RBPMS: variants seen among roughly 807,000 people sequenced by gnomAD.
The protein encoded by RBPMS is RNA-binding protein with multiple splicing.
A neutral mutation model predicts 26.8 loss-of-function variants in RBPMS; 7 were observed. That is an observed-to-expected ratio of 0.26 (90% confidence interval 0.15 to 0.49). The LOEUF (loss-of-function observed/expected upper bound fraction) is 0.49. Ranked by LOEUF, RBPMS falls within the 20% of genes least tolerant of loss-of-function variation. The pLI is 0.98. For missense variants in RBPMS, 186 were observed against 250.0 expected, an observed-to-expected ratio of 0.74 and a Z score of 1.73; for synonymous variants, 96 against 93.3, an observed-to-expected ratio of 1.03 and a Z score of -0.17.
At chr8:30,475,153 T>C (rs1817550137) in intron 2 of RBPMS, among the ~76,000 whole-genome samples, 1 of 152,196 alleles carries the variant, frequency 6.6e-6, no homozygotes, top group Admixed American at 6.5e-5. Flanking sequence ...TTTTATGAAC[T>C]GAGTTAAGAA....
chr8:30,543,703 G>A (rs1825622289), intron 5 of RBPMS, among the ~76,000 whole-genome samples: 2 of 152,152 alleles, frequency 1.3e-5, no homozygotes, highest in Non-Finnish European at 1.5e-5. Context: ...ATACATGGGA[G>A]GCCCAGGCAC....
intron 1 of RBPMS, among the ~76,000 whole-genome samples, chr8:30,446,415 C>T (rs1774192685): frequency 6.6e-6 from 1 of 152,104 alleles, no homozygotes; most frequent in African/African-American, 2.4e-5. Flanking sequence ...AGGCTTACTA[C>T]AGGTAGACTA....
intron 5 of RBPMS, among the ~76,000 whole-genome samples, chr8:30,542,702 A>G (rs1825507001): frequency 6.6e-6 from 1 of 152,222 alleles, no homozygotes; most frequent in South Asian, 2.1e-4. Context: ...GGCATTCCTG[A>G]GAATGGTTGT....
intron 1 of RBPMS, chr8:30,446,946 G>A (rs1813934336): frequency 6.6e-6 from 1 of 151,978 alleles, no homozygotes. Flanking sequence ...TCAACAGGTA[G>A]CTGTCATCTT....
intron 7 of RBPMS, among the ~76,000 whole-genome samples, chr8:30,560,633 G>C (rs552867749): frequency 6.6e-6 from 1 of 152,098 alleles, no homozygotes; most frequent in Non-Finnish European, 1.5e-5. Flanking sequence ...AGGGGCAATC[G>C]CAGGTGAAGT....
At chr8:30,387,088 TG>T (rs1807198796) in intron 1 of RBPMS, 1 of 152,168 alleles carries the variant, frequency 6.6e-6, no homozygotes, top group South Asian at 2.1e-4. Context: ...GCCTCTTACT[TG>T]TCCTGTTATC....
intron 4 of RBPMS, among the ~76,000 whole-genome samples, chr8:30,496,708 T>G (rs926818843): frequency 1.3e-5 from 2 of 152,226 alleles, no homozygotes; most frequent in African/African-American, 4.8e-5. Context: ...GTGTCACAAG[T>G]TTTCACTTGT....
chr8:30,412,395 T>A (rs1330759719), intron 1 of RBPMS, among the ~76,000 whole-genome samples: 1 of 152,078 alleles, frequency 6.6e-6, no homozygotes, highest in African/African-American at 2.4e-5. Context: ...TGGCAGTCCA[T>A]GACTGTTCCC....
chr8:30,476,669 T>C (rs1397623955), intron 2 of RBPMS, among the ~76,000 whole-genome samples: 1 of 152,192 alleles, frequency 6.6e-6, no homozygotes, highest in African/African-American at 2.4e-5. Context: ...TTAAAGTCCC[T>C]GGAGGCTGAC....
chr8:30,385,104 C>T lies in RBPMS; in HGVS notation c.12C>T (p.Gly4=). 4 of 1,524,446 alleles carry T rather than the reference C, an allele frequency of 2.6e-6. No individual in the cohort carries two copies. The highest frequency in any genetic ancestry group is 2.5e-5 in the South Asian group (2 of 80,542). The allele number at this position is 1,524,446 out of a possible 1,614,324, so 94.4% of individuals were successfully genotyped here. The stretch of plus-strand genomic sequence containing the variant: ...GAAGGACCGGGAAGATGAACAACGG[C>T]GGCAAAGCCGAGAAGGAGAACACCC... MNN[G]GKAEKENTPS... is the part of the protein sequence containing the mutation. The change falls in exon 1 of 9, where the codon GGC becomes GGT. Residue 4 remains glycine (G), a synonymous_variant. Transcript: ENST00000397323.
chr8:30,447,417 A>G (rs1026214753), intron 1 of RBPMS, among the ~76,000 whole-genome samples: 3 of 152,216 alleles, frequency 2.0e-5, no homozygotes, highest in African/African-American at 7.2e-5. Flanking sequence ...TAGAATAGTA[A>G]AGTGTGTAAT....
chr8:30,486,915 A>G (rs1316351283), intron 4 of RBPMS, among the ~76,000 whole-genome samples: 3 of 152,214 alleles, frequency 2.0e-5, no homozygotes, highest in Non-Finnish European at 2.9e-5. Flanking sequence ...TTAAACTTAC[A>G]TAATTTTAAA....
At chr8:30,468,907 A>G (rs1258676088) in intron 1 of RBPMS, among the ~76,000 whole-genome samples, 4 of 18,086 alleles carry the variant, frequency 2.2e-4, no homozygotes, top group African/African-American at 2.5e-4. Flanking sequence ...AGTGTTTCAA[A>G]TAAGTAACTA....
chr8:30,479,911 T>C (rs907248444), intron 4 of RBPMS, among the ~76,000 whole-genome samples: 47 of 152,200 alleles, frequency 3.1e-4, no homozygotes, highest in African/African-American at 1.1e-3. Context: ...TAAATTACAG[T>C]CATTTGTAAT....
intron 6 of RBPMS, chr8:30,547,154 C>A (rs1106352): frequency 7.6e-6 from 5 of 656,768 alleles, no homozygotes; most frequent in Non-Finnish European, 1.3e-5. Context: ...GGAGCCTCTA[C>A]GGGGCATCTC....
intron 1 of RBPMS, among the ~76,000 whole-genome samples, chr8:30,469,357 C>A (rs1031168326): frequency 6.6e-6 from 1 of 152,248 alleles, no homozygotes; most frequent in African/African-American, 2.4e-5. Context: ...CTAGTGGGAG[C>A]TGGCAATGCC....
chr8:30,458,135 A>G (rs1815447729), intron 1 of RBPMS, among the ~76,000 whole-genome samples: 1 of 152,206 alleles, frequency 6.6e-6, no homozygotes, highest in Non-Finnish European at 1.5e-5. Flanking sequence ...AATGCTATGT[A>G]AATAGGTATA....
At chr8:30,477,755 A>C in intron 2 of RBPMS, 44 bp from the exon 3 acceptor site, 1 of 1,348,926 alleles carries the variant, frequency 7.4e-7, no homozygotes, top group Non-Finnish European at 1.1e-6. Flanking sequence ...AGATGGTATT[A>C]CTACAGTTAC....
intron 1 of RBPMS, among the ~76,000 whole-genome samples, chr8:30,422,385 G>A (rs1446909119): frequency 1.3e-5 from 2 of 151,930 alleles, no homozygotes; most frequent in African/African-American, 4.8e-5. Context: ...AAGTGCTGGG[G>A]TTACAGACTT....
Sources: gnomAD v4.1 joint callset for allele counts (sites outside exome capture counted in the v4.1 genomes callset) on GRCh38, gnomAD v4.1.1 for gene constraint, MANE v1.5 for transcripts, NCBI Gene and HGNC (gene_info 2026-07-23, HGNC 2026-07-21) for gene names.